The following ATAD2 variants were observed in gnomAD, a reference collection of about 807,000 sequenced individuals.
ATAD2 encodes ATPase family AAA domain-containing protein 2.
ATAD2 carries 62 observed loss-of-function variants against 168.9 expected under a neutral mutation model. The observed-to-expected ratio is 0.37, with a 90% CI of 0.30 to 0.45. ATAD2 has a LOEUF of 0.45. Among genes scored for constraint, ATAD2 ranks in the 20% least tolerant of loss-of-function variants. ATAD2 has a pLI of 1.00. For synonymous variants in ATAD2, 613 were observed against 571.6 expected (o/e 1.07, Z -1.03); for missense variants, 1,419 against 1,667.8 (o/e 0.85, Z 2.60).
chr8:123,372,286 G>C (rs1033101134), intron 3 of ATAD2, among the ~76,000 whole-genome samples: 17 of 152,104 alleles, frequency 1.1e-4, no homozygotes, highest in African/African-American at 3.9e-4. Context: ...TAAAACTGTA[G>C]ATAATACACA....
chr8:123,324,558 A>G (rs1827554559), intron 26 of ATAD2, among the ~76,000 whole-genome samples: 1 of 152,204 alleles, frequency 6.6e-6, no homozygotes, highest in Admixed American at 6.5e-5. Flanking sequence ...TTCCAGATGT[A>G]GGTTCACCGT....
chr8:123,343,766 G>A (rs370904916), intron 19 of ATAD2, among the ~76,000 whole-genome samples: 206 of 152,246 alleles, frequency 1.4e-3, no homozygotes, highest in African/African-American at 4.7e-3. Context: ...AATGGCAGGA[G>A]GCAATACAAA....
rs763112426 is a variant in ATAD2, at chr8:123,339,411, A to T, written c.2754T>A (p.Ile918=). 1 of 1,598,956 alleles carries T rather than the reference A, an allele frequency of 6.3e-7. No homozygotes were observed. The highest frequency in any genetic ancestry group is 1.1e-5 in the South Asian group (1 of 88,708). Residue 918 remains isoleucine, a synonymous_variant, in exon 20 of 28, where the codon ATT becomes ATA. Coordinates refer to ENST00000287394, the MANE Select transcript of ATAD2 (RefSeq NM_014109.4). ...CTTTATCCGGTAACTGGACATTAAA[A>T]ATCTCTCCATAATCACGGATAAACA... ...QELFIRDYGE[I]FNVQLPDKEE...
rs1220173589 is a variant in ATAD2 at position 123,349,385 on chromosome 8, A to G, written c.1706T>C (p.Val569Ala). ...TAGCCTGTTCGTAGCACCAATGACCACAATTTCCCCTCTGCTGTCCAATCC... is the reference window on the plus strand; with the variant it reads ...TAGCCTGTTCGTAGCACCAATGACCGCAATTTCCCCTCTGCTGTCCAATCC... Reference protein sequence around the residue: ...MDGLDSRGEIVVIGATNRLDS... With the variant: ...MDGLDSRGEIAVIGATNRLDS... Residue 569 changes from valine to alanine, a missense_variant, in exon 14 of 28, where the codon GTG becomes GCG. Val to Ala is a moderately conservative substitution (Grantham distance 64). Coordinates refer to ENST00000287394, the MANE Select transcript of ATAD2 (RefSeq NM_014109.4). The G allele has an allele frequency of 6.2e-7, 1 of 1,614,086 alleles. No individual in the cohort carries two copies.
At chr8:123,353,578 T>G (rs1416029018) in intron 13 of ATAD2, among the ~76,000 whole-genome samples, 2 of 152,160 alleles carry the variant, frequency 1.3e-5, no homozygotes, top group African/African-American at 4.8e-5. Context: ...TTTTTTTTTT[T>G]TATTGCTTTC....
intron 6 of ATAD2, 71 bp from the exon 7 acceptor site, chr8:123,370,095 T>A: frequency 7.1e-7 from 1 of 1,416,658 alleles, no homozygotes; most frequent in South Asian, 1.3e-5. Flanking sequence ...CATAGGTGAG[T>A]TGGGAGAGAA....
intron 8 of ATAD2, among the ~76,000 whole-genome samples, chr8:123,366,278 G>C (rs563475120): frequency 2.6e-5 from 4 of 152,128 alleles, no homozygotes; most frequent in African/African-American, 7.2e-5. Context: ...ATAGATGTTG[G>C]TGTGTATATA....
intron 1 of ATAD2, among the ~76,000 whole-genome samples, chr8:123,409,584 C>T (rs1229664251): frequency 1.3e-5 from 2 of 152,200 alleles, no homozygotes; most frequent in East Asian, 3.9e-4. Context: ...CTTTGATCGC[C>T]TGGGCTCAGG....
intron 1 of ATAD2, among the ~76,000 whole-genome samples, chr8:123,394,630 G>C (rs1198451443): frequency 6.6e-6 from 1 of 151,810 alleles, no homozygotes; most frequent in African/African-American, 2.4e-5. Flanking sequence ...GTGAGACTCT[G>C]TCTCGAAGAA....
At chr8:123,396,719 C>A (rs781537636), upstream of ATAD2, among the ~76,000 whole-genome samples, 14 of 152,082 alleles carry the variant, frequency 9.2e-5, no homozygotes, top group Non-Finnish European at 1.8e-4. Context: ...CGGTGCGTAG[C>A]CCGTTTGGAA....
intron 6 of ATAD2, among the ~76,000 whole-genome samples, chr8:123,370,465 T>C (rs879926256): frequency 6.6e-6 from 1 of 152,030 alleles, no homozygotes; most frequent in Admixed American, 6.6e-5. Context: ...TGTCATGGAG[T>C]TACACGCTGC....
intron 21 of ATAD2, among the ~76,000 whole-genome samples, chr8:123,336,793 T>C (rs1447729280): frequency 1.3e-5 from 2 of 152,140 alleles, no homozygotes; most frequent in Non-Finnish European, 2.9e-5. Flanking sequence ...TATTCTTTCC[T>C]CATCCAATTG....
At chr8:123,404,742 T>A (rs958275659) in intron 1 of ATAD2, among the ~76,000 whole-genome samples, 8 of 152,038 alleles carry the variant, frequency 5.3e-5, no homozygotes, top group African/African-American at 1.9e-4. Context: ...AATTTTTGTA[T>A]TTTTGGCCAG....
At chr8:123,333,828 G>A (rs767116836) in intron 24 of ATAD2, 50 bp downstream of exon 24, 19 of 1,518,830 alleles carry the variant, frequency 1.3e-5, no homozygotes, top group Non-Finnish European at 1.2e-5. Flanking sequence ...AATGGCATTA[G>A]AAAAGAATAA....
chr8:123,369,193 ATATATATATTTG>A lies in ATAD2; in HGVS notation c.932-30_932-19del. 9.7e-7 allele frequency: 1 copy of A among 1,028,796 alleles called. No homozygotes were observed. The highest frequency in any genetic ancestry group is 1.3e-6 in the Non-Finnish European group (1 of 763,150). The allele number at this position is 1,028,796 out of a possible 1,614,324, so 63.7% of individuals were successfully genotyped here. A position where few individuals can be genotyped will look rare whatever the true frequency, so the allele number is the denominator to read the frequency against. ...ACGAGGTTCTAAAAAAAAGAAATAT[ATATATATATTTG>A]TATATATATATATATATGGCATACA... On this transcript the variant is annotated intron_variant, in intron 7 of 27. Coordinates refer to ENST00000287394, the MANE Select transcript of ATAD2 (RefSeq NM_014109.4).
intron 1 of ATAD2, chr8:123,380,883 A>G: frequency 1.8e-6 from 1 of 542,980 alleles, no homozygotes; most frequent in Middle Eastern, 5.1e-4. Context: ...GAAGCAGCTA[A>G]TATAAGATTT....
chr8:123,396,749 C>CG (rs1254767957), upstream of ATAD2, among the ~76,000 whole-genome samples: 1 of 152,058 alleles, frequency 6.6e-6, no homozygotes, highest in Non-Finnish European at 1.5e-5. Flanking sequence ...GGGACGGCGG[C>CG]GGGGGAAGGG....
intron 27 of ATAD2, among the ~76,000 whole-genome samples, chr8:123,321,985 G>A (rs1827481555): frequency 7.1e-6 from 1 of 141,542 alleles, no homozygotes; most frequent in South Asian, 2.1e-4. Context: ...AAGTACATAA[G>A]TCTTTTTTTT....
At chr8:123,389,594 C>T (rs531232206) in intron 1 of ATAD2, among the ~76,000 whole-genome samples, 2 of 151,484 alleles carry the variant, frequency 1.3e-5, no homozygotes, top group East Asian at 2.0e-4. Flanking sequence ...GAGCCCAGAT[C>T]GCGCCACTGC....
Sources: allele counts gnomAD v4.1 joint callset (sites outside exome capture counted in the v4.1 genomes callset), GRCh38; gene constraint gnomAD v4.1.1; transcripts MANE v1.5; gene names NCBI Gene and HGNC (gene_info 2026-07-23, HGNC 2026-07-21).